The following GRID2 variants were observed in gnomAD, a reference collection of about 807,000 sequenced individuals.
GRID2 encodes glutamate ionotropic receptor delta type subunit 2.
Under a neutral mutation model 114.8 loss-of-function variants are expected in GRID2, and 33 were observed. The ratio of observed to expected loss-of-function variants is 0.29; its 90% CI spans 0.22 to 0.38. The LOEUF (loss-of-function observed/expected upper bound fraction) is 0.38, where lower values mean the gene tolerates loss of function less well. Among genes scored for constraint, GRID2 ranks in the 10% least tolerant of loss-of-function variants. The pLI is 1.00. For missense variants in GRID2, 1,184 were observed against 1,257.7 expected (o/e 0.94, Z 0.89); for synonymous variants, 505 against 449.9 (o/e 1.12, Z -1.55).
chr4:93,401,343 A>G (rs1356513759), intron 9 of GRID2, among the ~76,000 whole-genome samples: 1 of 152,162 alleles, frequency 6.6e-6, no homozygotes, highest in African/African-American at 2.4e-5. Flanking sequence ...ATTAAAAAAC[A>G]TAGTTTTTCA....
At chr4:93,794,853 G>A (rs1384507400) in intron 1 of GRID2, among the ~76,000 whole-genome samples, 2 of 152,126 alleles carry the variant, frequency 1.3e-5, no homozygotes, top group Non-Finnish European at 2.9e-5. Context: ...GGAAGACTCA[G>A]GAGAAAGCTT....
chr4:92,625,937 G>T (rs1730500887), intron 2 of GRID2, among the ~76,000 whole-genome samples: 1 of 151,772 alleles, frequency 6.6e-6, no homozygotes, highest in South Asian at 2.1e-4. Flanking sequence ...TGTACATTTT[G>T]CTTTTTCACT....
At chr4:93,604,278 T>A (rs1403549499) in intron 13 of GRID2, among the ~76,000 whole-genome samples, 2 of 152,174 alleles carry the variant, frequency 1.3e-5, no homozygotes, top group East Asian at 3.9e-4. Flanking sequence ...AACACTTTAG[T>A]AGAGGAAGTA....
intron 8 of GRID2, among the ~76,000 whole-genome samples, chr4:93,259,245 T>C (rs539876395): frequency 6.6e-6 from 1 of 151,802 alleles, no homozygotes; most frequent in East Asian, 1.9e-4. Context: ...AGAATTAAGA[T>C]CCCAAACTGT....
At chr4:93,220,525 T>C (rs1744752387) in intron 6 of GRID2, among the ~76,000 whole-genome samples, 1 of 152,222 alleles carries the variant, frequency 6.6e-6, no homozygotes, top group Non-Finnish European at 1.5e-5. Context: ...TTAAAAGTAA[T>C]ACTTCAAATT....
chr4:92,363,515 T>G (rs192478894), intron 1 of GRID2, among the ~76,000 whole-genome samples: 2 of 152,156 alleles, frequency 1.3e-5, no homozygotes, highest in East Asian at 3.9e-4. Flanking sequence ...TCTTCAAAAT[T>G]GATACACAAT....
chr4:93,194,209 A>T (rs774017295), intron 4 of GRID2, among the ~76,000 whole-genome samples: 17 of 152,198 alleles, frequency 1.1e-4, no homozygotes, highest in Non-Finnish European at 2.4e-4. Flanking sequence ...AAAAAAGAAA[A>T]ACAAAACATG....
intron 2 of GRID2, among the ~76,000 whole-genome samples, chr4:92,834,163 G>C (rs893546242): frequency 1.3e-5 from 2 of 152,098 alleles, no homozygotes; most frequent in Non-Finnish European, 2.9e-5. Flanking sequence ...TGCAATGTAA[G>C]AAACAAATGC....
intron 1 of GRID2, among the ~76,000 whole-genome samples, chr4:92,421,516 G>A (rs1731905975): frequency 6.6e-6 from 1 of 152,138 alleles, no homozygotes; most frequent in African/African-American, 2.4e-5. Context: ...TTGTAGAAAA[G>A]TCAGTTAGAA....
At chr4:93,781,179 G>A (rs1023912496) in intron 1 of GRID2, among the ~76,000 whole-genome samples, 3 of 152,166 alleles carry the variant, frequency 2.0e-5, no homozygotes, top group Non-Finnish European at 4.4e-5. Flanking sequence ...ATAGAATTGA[G>A]AATCATTTGT....
At chr4:92,791,489 A>G (rs1449482975) in intron 2 of GRID2, among the ~76,000 whole-genome samples, 1 of 151,894 alleles carries the variant, frequency 6.6e-6, no homozygotes, top group East Asian at 1.9e-4. Flanking sequence ...TCTAAATTTC[A>G]CATGCTATCA....
intron 8 of GRID2, among the ~76,000 whole-genome samples, chr4:93,297,534 A>C (rs562624542): frequency 1.3e-5 from 2 of 152,308 alleles, no homozygotes; most frequent in East Asian, 3.9e-4. Flanking sequence ...CGGGCTCTGC[A>C]ATGAGACATG....
intron 8 of GRID2, among the ~76,000 whole-genome samples, chr4:93,257,162 C>T (rs1749691036): frequency 6.6e-6 from 1 of 151,696 alleles, no homozygotes; most frequent in Non-Finnish European, 1.5e-5. Flanking sequence ...ATATGTAGTG[C>T]CTAGCATTCT....
chr4:92,330,647 G>A (rs568276332), intron 1 of GRID2, among the ~76,000 whole-genome samples: 3 of 152,102 alleles, frequency 2.0e-5, no homozygotes, highest in South Asian at 4.2e-4. Context: ...TATAAACAAA[G>A]TAGCTAATAT....
At chr4:93,010,720 A>C (rs2149230732) in intron 2 of GRID2, among the ~76,000 whole-genome samples, 1 of 152,216 alleles carries the variant, frequency 6.6e-6, no homozygotes, top group Non-Finnish European at 1.5e-5. Context: ...ATTTTTTTTA[A>C]AATATCCTTA....
chr4:92,943,220 A>G (rs898271371), intron 2 of GRID2, among the ~76,000 whole-genome samples: 5 of 152,082 alleles, frequency 3.3e-5, no homozygotes, highest in South Asian at 2.1e-4. Context: ...TCAGACATAG[A>G]TTTGGTCTTT....
At chr4:92,727,165 T>C (rs1456453814) in intron 2 of GRID2, among the ~76,000 whole-genome samples, 1 of 152,068 alleles carries the variant, frequency 6.6e-6, no homozygotes, top group African/African-American at 2.4e-5. Context: ...CAACTAATGT[T>C]TATCATGTAC....
intron 4 of GRID2, among the ~76,000 whole-genome samples, chr4:93,167,845 T>A (rs1738399857): frequency 6.6e-6 from 1 of 152,048 alleles, no homozygotes. Context: ...TTCTGAAAAA[T>A]TTTATAGATT....
At chr4:93,701,878 T>C (rs1727541319) in intron 14 of GRID2, among the ~76,000 whole-genome samples, 1 of 152,006 alleles carries the variant, frequency 6.6e-6, no homozygotes, top group South Asian at 2.1e-4. Context: ...TAAGACAGTT[T>C]ATTAATTTAT....
Sources: gnomAD v4.1 joint callset for allele counts (sites outside exome capture counted in the v4.1 genomes callset) on GRCh38, gnomAD v4.1.1 for gene constraint, MANE v1.5 for transcripts, NCBI Gene and HGNC (gene_info 2026-07-23, HGNC 2026-07-21) for gene names.